Variants in ZIC5 observed in about 807,000 individuals in gnomAD.
The protein encoded by ZIC5 is Zic family zinc finger 5.
A neutral mutation model predicts 28.5 loss-of-function variants in ZIC5; 20 were observed. The ratio of observed to expected loss-of-function variants is 0.70; its 90% CI spans 0.49 to 1.02. The LOEUF (loss-of-function observed/expected upper bound fraction) is 1.02, where lower values mean the gene tolerates loss of function less well. Among genes scored for constraint, ZIC5 ranks in the 50% least tolerant of loss-of-function variants. ZIC5 has a pLI of 0.00. For missense variants in ZIC5, 951 were observed against 899.7 expected, an observed-to-expected ratio of 1.06 and a Z score of -0.73; for synonymous variants, 488 against 410.4, an observed-to-expected ratio of 1.19 and a Z score of -2.29.
At chr13:99,968,130 C>A (rs1357029502) in intron 1 of ZIC5, among the ~76,000 whole-genome samples, 1 of 152,212 alleles carries the variant, frequency 6.6e-6, no homozygotes. Context: ...TTTGATCAAT[C>A]CGTTCCGGGA....
intron 1 of ZIC5, among the ~76,000 whole-genome samples, chr13:99,968,141 T>A (rs2053114489): frequency 6.6e-6 from 1 of 152,154 alleles, no homozygotes; most frequent in African/African-American, 2.4e-5. Flanking sequence ...CGTTCCGGGA[T>A]CCCGGATAAC....
At chr13:99,971,788 A>C (rs1450475388), upstream of ZIC5, 7 of 1,380,930 alleles carry the variant, frequency 5.1e-6, no homozygotes, top group Non-Finnish European at 7.0e-6. Context: ...TTTGAGCTGC[A>C]CAGTGGGACC....
rs2053150660 is a variant in ZIC5, at chr13:99,970,924, G to A, written c.680C>T (p.Pro227Leu). The A allele has an allele frequency of 4.3e-6, 6 of 1,379,536 alleles. No homozygotes were observed. The highest frequency in any genetic ancestry group is 3.1e-5 in the African/African-American group (2 of 64,750). 85.5% of individuals were successfully genotyped at this position (1,379,536 alleles called of 1,614,324 possible). A position where few individuals can be genotyped will look rare whatever the true frequency, so the allele number is the denominator to read the frequency against. Residue 227 changes from proline to leucine, a missense_variant, in exon 1 of 2, where the codon CCG becomes CTG. Pro to Leu is a moderately conservative substitution (Grantham distance 98, BLOSUM62 -3). This residue lies in a region of ZIC5 where 784 missense variants were observed against 660.1 expected (regional missense o/e 1.19). Transcript: ENST00000267294. The stretch of plus-strand genomic sequence containing the variant: ...GAGCGCCGGGCCGCCGCTGCCGTCC[G>A]GGCCCGCGTAGGTGCCGCTGGCGGA... ...FISASGTYAG[P>L]DGSGGPALFP...
rs1319819952 is a variant in ZIC5 at position 99,965,403 on chromosome 13, G to A, written c.1894C>T (p.Pro632Ser). The change falls in exon 2 of 2, where the codon CCT becomes TCT. Residue 632 changes from proline to serine, a missense_variant. This residue lies in a region of ZIC5 where 108 missense variants were observed against 118.4 expected (regional missense o/e 0.91). Coordinates refer to ENST00000267294, the MANE Select transcript of ZIC5 (RefSeq NM_033132.5). ...ETEDEEIYGN[P>S]EVVRTIH ...TAATGTATCGTCCGCACAACTTCAG[G>A]GTTCCCGTAAATTTCCTCATCTTCA... is the stretch of plus-strand genomic sequence containing the variant. 5.6e-6 allele frequency: 9 copies of A among 1,613,764 alleles called. No homozygotes were observed. Among genetic ancestry groups the A allele is most frequent in the South Asian group, 1.1e-5 (1 of 91,052 alleles).
chr13:99,965,383 T>C lies in ZIC5; in HGVS notation c.1914A>G (p.Ile638Met). Residue 638 changes from isoleucine to methionine, a missense_variant, in exon 2 of 2, where the codon ATA becomes ATG. Ile to Met is a conservative substitution (Grantham distance 10). Around this residue, in one of 3 missense-constraint regions of ZIC5, gnomAD observed 108 missense variants for 118.4 expected, o/e 0.91. Coordinates refer to ENST00000267294, the MANE Select transcript of ZIC5 (RefSeq NM_033132.5). ...TTATTATTAATAATAAATTCTAATG[T>C]ATCGTCCGCACAACTTCAGGGTTCC... is the stretch of plus-strand genomic sequence containing the variant. ...IYGNPEVVRT[I>M]H The C allele has an allele frequency of 6.2e-7, 1 of 1,613,128 alleles. No homozygotes were observed. The highest frequency in any genetic ancestry group is 1.1e-5 in the South Asian group (1 of 90,894).
rs1410950688 is a variant in ZIC5, at chr13:99,971,487, G to A, written c.117C>T (p.Pro39=). The change falls in exon 1 of 2, where the codon CCC becomes CCT. Residue 39 remains proline (P), a synonymous_variant. Coordinates refer to ENST00000267294, the MANE Select transcript of ZIC5 (RefSeq NM_033132.5). ...CGGCGGCCCGGAGTTGGGAGTGGGC[G>A]GGCGGGCCGGCCAGCGCCGGGAAGC... ...MTGFPALAGP[P]AHSQLRAAVA... The A allele has an allele frequency of 1.9e-6, 3 of 1,550,348 alleles. No homozygotes were observed. Among genetic ancestry groups the A allele is most frequent in the Admixed American group, 3.9e-5 (2 of 51,008 alleles).
rs2053152924 is a variant in ZIC5 at position 99,971,075 on chromosome 13, T to C, written c.529A>G (p.Arg177Gly). The C allele has an allele frequency of 7.0e-7, 1 of 1,432,086 alleles. No homozygotes were observed. Among genetic ancestry groups the C allele is most frequent in the East Asian group, 3.0e-5 (1 of 33,114 alleles). The allele number at this position is 1,432,086 out of a possible 1,614,324, so 88.7% of individuals were successfully genotyped here. The change falls in exon 1 of 2, where the codon AGG (arginine) becomes GGG (glycine). Residue 177 changes from arginine (R) to glycine (G), a missense_variant. Arg to Gly is a moderately radical substitution (Grantham distance 125). This residue lies in a region of ZIC5 where 784 missense variants were observed against 660.1 expected (regional missense o/e 1.19). Transcript: ENST00000267294. Reference sequence around the variant, plus strand: ...GCGGGGGCCGTGGCGGAAAGGTCCCTCCGGAGGACGAAGTCCCTGCTGTGG... The same window carrying C: ...GCGGGGGCCGTGGCGGAAAGGTCCCCCCGGAGGACGAAGTCCCTGCTGTGG... Reference protein sequence around the residue: ...KGHSRDFVLRRDLSATAPAAA... With the variant: ...KGHSRDFVLRGDLSATAPAAA...
Position 99,971,319 on chromosome 13 carries a change from T to G in ZIC5, c.285A>C (p.Ala95=). The change falls in exon 1 of 2, where the codon GCA becomes GCC. Residue 95 remains alanine, a synonymous_variant. Transcript: ENST00000267294. ...QAFPAHPEAP[A]AAARAAALVA... is the part of the protein sequence containing the mutation. ...CCAAGGCTGCAGCACGGGCGGCGGC[T>G]GCCGGAGCCTCCGGGTGTGCCGGGA... 7.3e-7 allele frequency: 1 copy of G among 1,373,528 alleles called. No homozygotes were observed. Among genetic ancestry groups the G allele is most frequent in the Non-Finnish European group, 9.3e-7 (1 of 1,074,342 alleles). 85.1% of individuals were successfully genotyped at this position (1,373,528 alleles called of 1,614,324 possible).
rs1350385945 is a variant in ZIC5, at chr13:99,971,679, T to C, written c.-76A>G. On this transcript the variant is annotated 5_prime_UTR_variant, in exon 1 of 2. Transcript: ENST00000267294. ...CTCTGCCCGCCTTCAAAAACATGTA[T>C]GTATTGGGCGCTCTTTAACTTCTTT... The C allele has an allele frequency of 1.9e-6, 3 of 1,553,530 alleles. No individual in the cohort carries two copies. In the African/African-American group the frequency reaches 4.1e-5, roughly 21 times the overall value.
chr13:99,971,848 C>CA, upstream of ZIC5: 2 of 794,076 alleles, frequency 2.5e-6, no homozygotes, highest in Non-Finnish European at 3.9e-6. Flanking sequence ...GCGTGATTGG[C>CA]AGTAGCCTCG....
At chr13:99,967,357 A>T (rs993504711) in intron 1 of ZIC5, among the ~76,000 whole-genome samples, 1 of 152,244 alleles carries the variant, frequency 6.6e-6, no homozygotes, top group Non-Finnish European at 1.5e-5. Flanking sequence ...ATAAAGAGAG[A>T]AAAAACAACC....
intron 1 of ZIC5, among the ~76,000 whole-genome samples, chr13:99,966,653 C>T (rs765852356): frequency 1.3e-5 from 2 of 152,198 alleles, no homozygotes; most frequent in Non-Finnish European, 2.9e-5. Flanking sequence ...TATACTTACT[C>T]TCACAGCTCC....
chr13:99,967,509 A>G (rs1488574129), intron 1 of ZIC5, among the ~76,000 whole-genome samples: 1 of 152,250 alleles, frequency 6.6e-6, no homozygotes, highest in African/African-American at 2.4e-5. Context: ...AGTTAACATC[A>G]TATTCTTTTT....
At position 99,965,459 on chromosome 13, in the gene ZIC5, G is replaced by T. The variant is rs767311967; in HGVS notation, c.1838C>A (p.Thr613Asn). ...AGAGGTGGTTCCGTTGCTGGAAGGG[G>T]TGTGGAGGTGGCTGGGGGCCCCACT... is the stretch of plus-strand genomic sequence containing the variant. ...QASGAPSHLH[T>N]PSSNGTTSET... is the part of the protein sequence containing the mutation. Residue 613 changes from threonine to asparagine, a missense_variant, in exon 2 of 2, where the codon ACC (threonine) becomes AAC (asparagine). Thr to Asn is a moderately conservative substitution (Grantham distance 65, BLOSUM62 0). Transcript: ENST00000267294. 1.3e-5 allele frequency: 21 copies of T among 1,614,038 alleles called. No homozygotes were observed. Among genetic ancestry groups the T allele is most frequent in the Non-Finnish European group, 2.5e-6 (3 of 1,180,042 alleles).
Position 99,970,242 on chromosome 13 carries a change from G to A in ZIC5, c.1362C>T (p.Leu454=), listed in dbSNP as rs1053294219. ...CGGTGTGCACGCGGATGTGGTTGAT[G>A]AGCTTGTATTTGGCCTTGAAGGGCT... The part of the protein sequence containing the change: ...EGKPFKAKYK[L]INHIRVHTGE... The change falls in exon 1 of 2, where the codon CTC becomes CTT. Residue 454 remains leucine, a synonymous_variant. Coordinates refer to ENST00000267294, the MANE Select transcript of ZIC5 (RefSeq NM_033132.5). 18 of 1,613,780 alleles carry A rather than the reference G, an allele frequency of 1.1e-5. No individual in the cohort carries two copies. In the African/African-American group the frequency reaches 2.4e-4, roughly 22 times the overall value.
Position 99,964,029 on chromosome 13 carries a change from T to C in ZIC5, c.*1348A>G, listed in dbSNP as rs1202059307. The C allele has an allele frequency of 6.6e-6, 1 of 152,566 alleles. No individual in the cohort carries two copies. The highest frequency in any genetic ancestry group is 1.5e-5 in the Non-Finnish European group (1 of 68,012). 9.5% of individuals were successfully genotyped at this position (152,566 alleles called of 1,614,324 possible). On this transcript the variant is annotated 3_prime_UTR_variant, in exon 2 of 2. Coordinates refer to ENST00000267294, the MANE Select transcript of ZIC5 (RefSeq NM_033132.5). Reference sequence around the variant, plus strand: ...AAAATAAATCGACTAAGAGTTATTGTCCTAGGTCCTTGACCTTTTTTATCC... The same window carrying C: ...AAAATAAATCGACTAAGAGTTATTGCCCTAGGTCCTTGACCTTTTTTATCC...
intron 1 of ZIC5, among the ~76,000 whole-genome samples, chr13:99,967,821 CTG>C (rs1410704552): frequency 3.9e-5 from 6 of 152,208 alleles, no homozygotes; most frequent in African/African-American, 9.6e-5. Context: ...ATGGAAAGGC[CTG>C]TGTTGTTCAG....
chr13:99,969,035 G>T (rs914911012), intron 1 of ZIC5, among the ~76,000 whole-genome samples: 1 of 152,240 alleles, frequency 6.6e-6, no homozygotes, highest in African/African-American at 2.4e-5. Context: ...AGTGTCCTCC[G>T]AGGGGTAATC....
In ZIC5 at chr13:99,965,910, C is replaced by T. The variant is rs1009437145; in HGVS notation, c.1478-91G>A. ...AAGCAGAACCAAGGTTGTGTTTTTC[C>T]TATTCTCCCAGAGACCAACTCCCAG... On this transcript the variant is annotated intron_variant, in intron 1 of 1. Transcript: ENST00000267294. The T allele has an allele frequency of 5.8e-6, 8 of 1,377,628 alleles. No individual in the cohort carries two copies. In the African/African-American group the frequency reaches 1.2e-4, roughly 20 times the overall value. 85.3% of individuals were successfully genotyped at this position (1,377,628 alleles called of 1,614,324 possible). A position where few individuals can be genotyped will look rare whatever the true frequency, so the allele number is the denominator to read the frequency against.
Sources: allele counts gnomAD v4.1 joint callset (sites outside exome capture counted in the v4.1 genomes callset), GRCh38; gene constraint gnomAD v4.1.1; regional missense constraint gnomAD v4.1.1; transcripts MANE v1.5; gene names NCBI Gene and HGNC (gene_info 2026-07-23, HGNC 2026-07-21).